The following PRKCZ variants were observed in gnomAD, a reference collection of about 807,000 sequenced individuals.
PRKCZ encodes protein kinase C zeta type.
Under a neutral mutation model 79.5 loss-of-function variants are expected in PRKCZ, and 33 were observed. The ratio of observed to expected loss-of-function variants is 0.41; its 90% CI spans 0.31 to 0.55. The LOEUF (loss-of-function observed/expected upper bound fraction) is 0.55. Ranked by LOEUF, PRKCZ falls within the 20% of genes least tolerant of loss-of-function variation. The pLI, the probability that PRKCZ is intolerant of heterozygous loss-of-function variation, is 0.19. For synonymous variants in PRKCZ, 342 were observed against 320.9 expected (o/e 1.07, Z -0.70); for missense variants, 578 against 813.5 (o/e 0.71, Z 3.52).
chr1:2,180,884 C>T (rs1163270547), intron 16 of PRKCZ, among the ~76,000 whole-genome samples: 1 of 152,164 alleles, frequency 6.6e-6, no homozygotes, highest in African/African-American at 2.4e-5. Context: ...AGGGTGGTCT[C>T]AGGGACCTCC....
intron 4 of PRKCZ, chr1:2,071,413 G>A (rs867386945): frequency 2.0e-5 from 8 of 398,556 alleles, no homozygotes; most frequent in Middle Eastern, 7.3e-4. Flanking sequence ...GAACAGTGGG[G>A]ACGCTGCTGG....
chr1:2,076,799 C>T (rs906373788), intron 4 of PRKCZ, among the ~76,000 whole-genome samples: 6 of 151,718 alleles, frequency 4.0e-5, no homozygotes, highest in Non-Finnish European at 8.8e-5. Flanking sequence ...ACCAGTCGGT[C>T]GTCCAGTGTT....
At chr1:2,107,499 A>G (rs1668791398) in intron 4 of PRKCZ, among the ~76,000 whole-genome samples, 1 of 152,152 alleles carries the variant, frequency 6.6e-6, no homozygotes, top group Non-Finnish European at 1.5e-5. Context: ...GCGGTGGGAA[A>G]ACGTGTGCAG....
chr1:2,067,603 G>A (rs946932121), intron 4 of PRKCZ, among the ~76,000 whole-genome samples: 3 of 152,184 alleles, frequency 2.0e-5, no homozygotes, highest in African/African-American at 4.8e-5. Flanking sequence ...GCTGCCACGT[G>A]TGCCGGGCTG....
At chr1:2,061,691 TG>T (rs1660691503) in intron 4 of PRKCZ, among the ~76,000 whole-genome samples, 1 of 152,154 alleles carries the variant, frequency 6.6e-6, no homozygotes. Context: ...CCCTGCCCTG[TG>T]TGCTGATGTC....
intron 4 of PRKCZ, among the ~76,000 whole-genome samples, chr1:2,121,575 G>T (rs1671945065): frequency 1.9e-5 from 2 of 104,856 alleles, no homozygotes; most frequent in African/African-American, 5.9e-5. Context: ...TGTAGTTAGG[G>T]TGATGGTGGT....
At chr1:2,092,532 T>C (rs1261140383) in intron 4 of PRKCZ, among the ~76,000 whole-genome samples, 1 of 152,232 alleles carries the variant, frequency 6.6e-6, no homozygotes. Flanking sequence ...ACCCTCGTTT[T>C]CTTAGCTTTT....
intron 4 of PRKCZ, among the ~76,000 whole-genome samples, chr1:2,068,789 G>A (rs965140111): frequency 2.0e-5 from 3 of 152,216 alleles, no homozygotes; most frequent in Admixed American, 6.5e-5. Flanking sequence ...CCCGTGAGAG[G>A]TTCGTGCTGC....
chr1:2,148,774 C>T (rs537677502), intron 7 of PRKCZ, 98 bp from the exon 8 acceptor site: 10 of 1,214,846 alleles, frequency 8.2e-6, no homozygotes, highest in African/African-American at 4.5e-5. Flanking sequence ...CACCCTTCAC[C>T]GTCACCCTGC....
At chr1:2,119,268 G>A (rs555081046) in intron 4 of PRKCZ, among the ~76,000 whole-genome samples, 5 of 141,526 alleles carry the variant, frequency 3.5e-5, no homozygotes, top group South Asian at 2.2e-4. Flanking sequence ...AGGCTAGAGT[G>A]CAAGGGCGCG....
At chr1:2,180,567 C>T (rs1051849722) in intron 16 of PRKCZ, among the ~76,000 whole-genome samples, 7 of 151,886 alleles carry the variant, frequency 4.6e-5, no homozygotes, top group Non-Finnish European at 7.4e-5. Flanking sequence ...ACGACGTGGA[C>T]GCACAGATGA....
At chr1:2,098,461 T>C (rs1666910325) in intron 4 of PRKCZ, 1 of 152,206 alleles carries the variant, frequency 6.6e-6, no homozygotes, top group Non-Finnish European at 1.5e-5. Context: ...AGTTGCTGGC[T>C]TCTCTAAGGC....
At chr1:2,055,369 G>A (rs1040660468) in intron 1 of PRKCZ, 72 bp from the exon 2 acceptor site, 1 of 1,512,582 alleles carries the variant, frequency 6.6e-7, no homozygotes, top group Admixed American at 2.1e-5. Flanking sequence ...GATTTGGTTA[G>A]TTGGTAATCA....
intron 16 of PRKCZ, chr1:2,182,011 C>T: frequency 2.7e-6 from 1 of 371,604 alleles, no homozygotes; most frequent in South Asian, 2.0e-5. Flanking sequence ...TGGATGCTGC[C>T]TGTGGCCCAG....
rs1445362441 is a variant in PRKCZ at position 2,168,812 on chromosome 1, G to A, written c.975-706G>A. On this transcript the variant is annotated intron_variant, in intron 10 of 17. Transcript: ENST00000378567. This position sits in a 1 kb window ranked among gnomAD's most constrained non-coding sequence, Gnocchi z 4.7. The stretch of plus-strand genomic sequence containing the variant: ...AGGAGCCGCTGACCTAAAAAAACCC[G>A]CCACAGGGTATTTCTGGGAGATTGT... 1.5e-5 allele frequency: 3 copies of A among 193,782 alleles called. No individual in the cohort carries two copies. The highest frequency in any genetic ancestry group is 3.3e-5 in the Non-Finnish European group (3 of 91,256). The allele number at this position is 193,782 out of a possible 1,614,324, so 12.0% of individuals were successfully genotyped here.
intron 4 of PRKCZ, among the ~76,000 whole-genome samples, chr1:2,077,418 A>G (rs983583010): frequency 2.6e-5 from 4 of 152,170 alleles, no homozygotes; most frequent in Admixed American, 2.0e-4. Context: ...GTGGGCCCAG[A>G]TGGCTTCTTC....
At chr1:2,184,531 G>A in intron 16 of PRKCZ, 52 bp from the exon 17 acceptor site, 1 of 1,390,906 alleles carries the variant, frequency 7.2e-7, no homozygotes, top group African/African-American at 1.4e-5. Context: ...CACTCAATCT[G>A]GTAGGGATGA....
intron 16 of PRKCZ, among the ~76,000 whole-genome samples, chr1:2,179,407 G>C (rs1390281221): frequency 6.6e-6 from 1 of 152,190 alleles, no homozygotes; most frequent in Non-Finnish European, 1.5e-5. Flanking sequence ...CAGGATCCCC[G>C]GTACTTGGCA....
In PRKCZ at chr1:2,104,780, C is replaced by T. The variant is rs1278430270; in HGVS notation, c.335-30482C>T. 3.0e-6 allele frequency: 3 copies of T among 985,948 alleles called. No homozygotes were observed. In the East Asian group the frequency reaches 3.4e-4, roughly 112 times the overall value. 61.1% of individuals were successfully genotyped at this position (985,948 alleles called of 1,614,324 possible). A position where few individuals can be genotyped will look rare whatever the true frequency, so the allele number is the denominator to read the frequency against. ...CTGGCCTGCGGGGCTCACTGCTGCC[C>T]CCCGGGGCCGAGCACGAAAGGGAGA... On this transcript the variant is annotated intron_variant, in intron 4 of 17. Transcript: ENST00000378567.
Sources: gnomAD v4.1 joint callset for allele counts (sites outside exome capture counted in the v4.1 genomes callset) on GRCh38, gnomAD v4.1.1 for gene constraint, Gnocchi (gnomAD v3.1) non-coding constraint, MANE v1.5 for transcripts, NCBI Gene and HGNC (gene_info 2026-07-23, HGNC 2026-07-21) for gene names.